Variants in SLC24A3 observed in about 807,000 individuals in gnomAD.
The protein encoded by SLC24A3 is solute carrier family 24 member 3, also known as sodium/potassium/calcium exchanger 3.
Under a neutral mutation model 75.8 loss-of-function variants are expected in SLC24A3, and 28 were observed. That is an observed-to-expected ratio of 0.37 (90% CI 0.27 to 0.51). SLC24A3 has a LOEUF of 0.51. Among genes scored for constraint, SLC24A3 ranks in the 20% least tolerant of loss-of-function variants. SLC24A3 has a pLI of 0.94. For synonymous variants in SLC24A3, 372 were observed against 334.1 expected (o/e 1.11, Z -1.24); for missense variants, 663 against 847.8 (o/e 0.78, Z 2.71).
chr20:19,361,383 G>A (rs1489312675), intron 2 of SLC24A3, among the ~76,000 whole-genome samples: 1 of 152,166 alleles, frequency 6.6e-6, no homozygotes, highest in Non-Finnish European at 1.5e-5. Context: ...ATAAAATGAG[G>A]CTACAGATTA....
intron 2 of SLC24A3, among the ~76,000 whole-genome samples, chr20:19,496,597 C>G (rs947028955): frequency 6.6e-6 from 1 of 152,140 alleles, no homozygotes; most frequent in Non-Finnish European, 1.5e-5. Context: ...GTTGCCAGAA[C>G]CTGAGCCTGG....
intron 6 of SLC24A3, among the ~76,000 whole-genome samples, 190 bp from the exon 7 acceptor site, chr20:19,653,872 T>C (rs2032235125): frequency 6.6e-6 from 1 of 152,238 alleles, no homozygotes; most frequent in Non-Finnish European, 1.5e-5. Context: ...GCAGGTTTAA[T>C]TGTATCTTCA....
intron 7 of SLC24A3, among the ~76,000 whole-genome samples, chr20:19,659,865 T>G (rs1458503760): frequency 2.0e-5 from 3 of 152,172 alleles, no homozygotes. Flanking sequence ...TACTTTGTGG[T>G]CTAGTTTTTA....
chr20:19,265,452 C>T (rs1362468722), intron 1 of SLC24A3, among the ~76,000 whole-genome samples: 1 of 152,148 alleles, frequency 6.6e-6, no homozygotes, highest in African/African-American at 2.4e-5. Flanking sequence ...CAGGATGAAG[C>T]CAGGAAGGGC....
intron 2 of SLC24A3, among the ~76,000 whole-genome samples, chr20:19,492,793 A>ATAAC (rs1988227499): frequency 6.6e-6 from 1 of 152,204 alleles, no homozygotes; most frequent in African/African-American, 2.4e-5. Context: ...TGATCATTAT[A>ATAAC]TAACTATTAA....
At chr20:19,418,583 A>C (rs184810318) in intron 2 of SLC24A3, among the ~76,000 whole-genome samples, 1 of 152,054 alleles carries the variant, frequency 6.6e-6, no homozygotes, top group East Asian at 1.9e-4. Context: ...ATCAAAGAAA[A>C]ATACAAGAAA....
At chr20:19,548,902 A>T (rs772258807) in intron 3 of SLC24A3, among the ~76,000 whole-genome samples, 27 of 152,198 alleles carry the variant, frequency 1.8e-4, no homozygotes, top group Non-Finnish European at 3.2e-4. Context: ...ATAATAAGGG[A>T]TTATTTCTTC....
At chr20:19,487,595 C>G in intron 2 of SLC24A3, among the ~76,000 whole-genome samples, 1 of 152,166 alleles carries the variant, frequency 6.6e-6, no homozygotes, top group East Asian at 1.9e-4. Flanking sequence ...ACCCAAAGCT[C>G]TCTGAAGAAC....
chr20:19,622,693 A>C (rs1423545798), intron 6 of SLC24A3, among the ~76,000 whole-genome samples: 1 of 152,218 alleles, frequency 6.6e-6, no homozygotes, highest in East Asian at 1.9e-4. Context: ...AGTTCAGATG[A>C]GTTCAGTTGT....
At chr20:19,420,218 C>T (rs1600473851) in intron 2 of SLC24A3, among the ~76,000 whole-genome samples, 1 of 38,108 alleles carries the variant, frequency 2.6e-5, no homozygotes, top group Non-Finnish European at 4.8e-5. Flanking sequence ...TTTCTTAATC[C>T]AGTCTATCAT....
intron 2 of SLC24A3, among the ~76,000 whole-genome samples, chr20:19,288,490 T>G (rs1443297667): frequency 6.6e-6 from 1 of 152,180 alleles, no homozygotes; most frequent in African/African-American, 2.4e-5. Context: ...GAAACACAGG[T>G]AAAGGATGAT....
intron 2 of SLC24A3, among the ~76,000 whole-genome samples, chr20:19,340,469 G>A (rs765189578): frequency 6.6e-6 from 1 of 152,218 alleles, no homozygotes; most frequent in African/African-American, 2.4e-5. Context: ...CATGGTTTAA[G>A]CCAATCAGTC....
chr20:19,390,409 G>A (rs1986346586), intron 2 of SLC24A3, among the ~76,000 whole-genome samples: 1 of 152,308 alleles, frequency 6.6e-6, no homozygotes, highest in African/African-American at 2.4e-5. Flanking sequence ...TAAAGTCCTT[G>A]GTAGGCTTGC....
At chr20:19,568,033 G>A (rs1171656261) in intron 3 of SLC24A3, among the ~76,000 whole-genome samples, 1 of 152,128 alleles carries the variant, frequency 6.6e-6, no homozygotes, top group Non-Finnish European at 1.5e-5. Flanking sequence ...CATATACAAA[G>A]ATGCTCAAAA....
rs1352825565 is a variant in SLC24A3 at position 19,698,568 on chromosome 20, G to A, written c.1607G>A (p.Gly536Glu). The A allele has an allele frequency of 6.3e-7, 1 of 1,576,256 alleles. No individual in the cohort carries two copies. The highest frequency in any genetic ancestry group is 8.6e-7 in the Non-Finnish European group (1 of 1,158,542). ...CTTAAGTGACCTCTTGTCCCTGCAG[G>A]GATGGGGGACATGGCTGTGTCCAAC... ...CMASLIVARQ[G>E]MGDMAVSNSI... Residue 536 changes from glycine to glutamate, a missense_variant and splice_region_variant, in exon 15 of 17, where the codon GGG (glycine) becomes GAG (glutamate). Transcript: ENST00000328041.
chr20:19,381,546 G>A (rs1423190222), intron 2 of SLC24A3, among the ~76,000 whole-genome samples: 2 of 152,148 alleles, frequency 1.3e-5, no homozygotes, highest in African/African-American at 4.8e-5. Flanking sequence ...GATTTGAGAA[G>A]GGGTGCCCTC....
chr20:19,301,997 G>C (rs1984207490), intron 2 of SLC24A3, among the ~76,000 whole-genome samples: 1 of 152,244 alleles, frequency 6.6e-6, no homozygotes, highest in Non-Finnish European at 1.5e-5. Flanking sequence ...CCTCCTTGGA[G>C]CCAGGGCTAG....
chr20:19,526,077 G>A (rs1029737421), intron 3 of SLC24A3, among the ~76,000 whole-genome samples: 1 of 152,170 alleles, frequency 6.6e-6, no homozygotes. Context: ...GGTGTGCTGT[G>A]TCACCCCACT....
At chr20:19,486,324 G>A (rs986033735) in intron 2 of SLC24A3, among the ~76,000 whole-genome samples, 1 of 152,190 alleles carries the variant, frequency 6.6e-6, no homozygotes, top group Non-Finnish European at 1.5e-5. Flanking sequence ...CAGAGAATTA[G>A]GGGGTGATGG....
Sources: gnomAD v4.1 joint callset for allele counts (sites outside exome capture counted in the v4.1 genomes callset) on GRCh38, gnomAD v4.1.1 for gene constraint, MANE v1.5 for transcripts, NCBI Gene and HGNC (gene_info 2026-07-23, HGNC 2026-07-21) for gene names.